Variants in SPEG observed in about 807,000 individuals in gnomAD.
The protein encoded by SPEG is striated muscle enriched protein kinase.
A neutral mutation model predicts 300.4 loss-of-function variants in SPEG; 114 were observed. That is an observed-to-expected ratio of 0.38 (90% confidence interval 0.33 to 0.44). The LOEUF is 0.44. Ranked by LOEUF, SPEG falls within the 20% of genes least tolerant of loss-of-function variation. SPEG has a pLI of 1.00. For missense variants in SPEG, 4,201 were observed against 4,586.2 expected (o/e 0.92, Z 2.43); for synonymous variants, 1,964 against 2,018.9 (o/e 0.97, Z 0.73).
At chr2:219,438,539 A>G (rs570838555) in intron 1 of SPEG, among the ~76,000 whole-genome samples, 24 of 152,342 alleles carry the variant, frequency 1.6e-4, no homozygotes, top group Admixed American at 1.1e-3. Context: ...CTTTTTCAAA[A>G]TATCAGGCTC....
In SPEG at chr2:219,481,446, C is replaced by G; in HGVS notation, c.5512C>G (p.Gln1838Glu). ...GGGCTTCCTCATCAAAGTGTTGGTGCAGGACCGGCTGTGAGTACAAGGCCC... is the reference window on the plus strand; with the variant it reads ...GGGCTTCCTCATCAAAGTGTTGGTGGAGGACCGGCTGTGAGTACAAGGCCC... ...ARGFLIKVLV[Q>E]DRLRPTAEET... is the part of the protein sequence containing the mutation. Residue 1838 changes from glutamine to glutamate, a missense_variant, in exon 27 of 41, where the codon CAG (glutamine) becomes GAG (glutamate). Physicochemically the swap from Gln to Glu is conservative, Grantham distance 29. Around this residue, in one of 4 missense-constraint regions of SPEG, gnomAD observed 1,047 missense variants for 1,356.8 expected, o/e 0.77. Coordinates refer to ENST00000312358, the MANE Select transcript of SPEG (RefSeq NM_005876.5). The surrounding 1 kb of genome is among the most constrained non-coding windows in gnomAD (Gnocchi z 5.4). The G allele has an allele frequency of 6.2e-7, 1 of 1,614,086 alleles. No homozygotes were observed. The highest frequency in any genetic ancestry group is 2.2e-5 in the East Asian group (1 of 44,884).
In SPEG at chr2:219,449,289, G is replaced by T. The variant is rs1199514817; in HGVS notation, c.2113+18G>T. On this transcript the variant is annotated intron_variant, in intron 4 of 40. Coordinates refer to ENST00000312358, the MANE Select transcript of SPEG (RefSeq NM_005876.5). ...TGAGCTCGGTAAGGCCTCAGGGAGG[G>T]CTGACAAGGTGCCTGAACCCCCGTC... The T allele has an allele frequency of 9.5e-6, 13 of 1,362,950 alleles. No individual in the cohort carries two copies. In the South Asian group the frequency reaches 2.0e-4, roughly 21 times the overall value. The allele number at this position is 1,362,950 out of a possible 1,614,324, so 84.4% of individuals were successfully genotyped here.
rs375417298 is a variant in SPEG at position 219,445,001 on chromosome 2, G to A, written c.655G>A (p.Gly219Arg). 9.9e-6 allele frequency: 16 copies of A among 1,610,878 alleles called. No individual in the cohort carries two copies. The highest frequency in any genetic ancestry group is 1.1e-5 in the South Asian group (1 of 90,912). Residue 219 changes from glycine (G) to arginine (R), a missense_variant, in exon 3 of 41, where the codon GGG becomes AGG. By Grantham distance (125) the Gly-to-Arg change is moderately radical. Transcript: ENST00000312358. This position sits in a 1 kb window ranked among gnomAD's most constrained non-coding sequence, Gnocchi z 6.1. ...CAGCCCAAGGCAAGCACAGGCAACC[G>A]GGGCCGGGCCACGGCACCTGGGGGT... ...PGSPRQAQATGAGPRHLGVEP... is the reference protein window; with the variant it reads ...PGSPRQAQATRAGPRHLGVEP...
chr2:219,472,767 CA>C lies in SPEG; in HGVS notation c.3941-122del, dbSNP rs1042317332. The C allele has an allele frequency of 4.6e-5, 36 of 774,408 alleles. No homozygotes were observed. The Admixed American group carries it at 9.1e-4, about 20-fold the overall frequency. 48.0% of individuals were successfully genotyped at this position (774,408 alleles called of 1,614,324 possible). On this transcript the variant is annotated intron_variant, in intron 15 of 40. Transcript: ENST00000312358. Reference sequence around the variant, plus strand: ...AGATGGGGGGACAGGCAGGAAGCAACAGCAGAGACTGAGGCACGTCATCAGA... The same window carrying C: ...AGATGGGGGGACAGGCAGGAAGCAACGCAGAGACTGAGGCACGTCATCAGA...
In SPEG at chr2:219,468,611, G is replaced by A. The variant is rs572860871; in HGVS notation, c.3176G>A (p.Arg1059Gln). 1.2e-6 allele frequency: 2 copies of A among 1,613,672 alleles called. No homozygotes were observed. The highest frequency in any genetic ancestry group is 1.7e-5 in the Admixed American group (1 of 60,024). ...ELTCSARLTV[R>Q]PSLAPLFTRL... ...ACCTGCAGTGCCCGGCTGACCGTGC[G>A]GCCCTCGTTGGCACCCCTGTTCACA... The change falls in exon 11 of 41, where the codon CGG (arginine) becomes CAG (glutamine). Residue 1059 changes from arginine to glutamine, a missense_variant. By Grantham distance (43) the Arg-to-Gln change is conservative (BLOSUM62 1). Coordinates refer to ENST00000312358, the MANE Select transcript of SPEG (RefSeq NM_005876.5).
At chr2:219,486,815 C>G (rs1238358826) in intron 31 of SPEG, among the ~76,000 whole-genome samples, 1 of 152,132 alleles carries the variant, frequency 6.6e-6, no homozygotes, top group African/African-American at 2.4e-5. Context: ...CTCTCTCTCT[C>G]TCCCTGCTAC....
Position 219,484,728 on chromosome 2 carries a change from C to T in SPEG, c.7265C>T (p.Pro2422Leu), listed in dbSNP as rs1194612524. Residue 2422 changes from proline to leucine, a missense_variant, in exon 30 of 41, where the codon CCC (proline) becomes CTC (leucine). Pro to Leu is a moderately conservative substitution (Grantham distance 98, BLOSUM62 -3). Transcript: ENST00000312358. Reference sequence around the variant, plus strand: ...TCCCAGCGGCTGCGGCGGACCCCTCCCGCGCAGCGCCACCCGGCCTGGGAG... The same window carrying T: ...TCCCAGCGGCTGCGGCGGACCCCTCTCGCGCAGCGCCACCCGGCCTGGGAG... ...SLSQRLRRTP[P>L]AQRHPAWEAR... 6.7e-7 allele frequency: 1 copy of T among 1,490,082 alleles called. No individual in the cohort carries two copies. Among genetic ancestry groups the T allele is most frequent in the African/African-American group, 1.5e-5 (1 of 68,164 alleles). The allele number at this position is 1,490,082 out of a possible 1,614,324, so 92.3% of individuals were successfully genotyped here. A position where few individuals can be genotyped will look rare whatever the true frequency, so the allele number is the denominator to read the frequency against.
intron 31 of SPEG, among the ~76,000 whole-genome samples, chr2:219,486,262 C>T (rs1000249792): frequency 9.2e-5 from 14 of 152,214 alleles, no homozygotes; most frequent in Admixed American, 3.3e-4. Context: ...TACTCAAGGA[C>T]GACAAGCAAA....
chr2:219,434,882 C>T lies in SPEG; in HGVS notation c.-96C>T, dbSNP rs1026186875. 2.4e-6 allele frequency: 2 copies of T among 819,336 alleles called. No homozygotes were observed. Among genetic ancestry groups the T allele is most frequent in the African/African-American group, 1.8e-5 (1 of 54,848 alleles). 50.8% of individuals were successfully genotyped at this position (819,336 alleles called of 1,614,324 possible). Reference sequence around the variant, plus strand: ...GCGGGCGGGCAGCAGGAAGGCAGGCCGCCGGCCCCCCAGACTTGTCTCCTA... The same window carrying T: ...GCGGGCGGGCAGCAGGAAGGCAGGCTGCCGGCCCCCCAGACTTGTCTCCTA... On this transcript the variant is annotated 5_prime_UTR_variant, in exon 1 of 41. Transcript: ENST00000312358.
In SPEG at chr2:219,481,321, C is replaced by T. The variant is rs1449579385; in HGVS notation, c.5387C>T (p.Pro1796Leu). Reference sequence around the variant, plus strand: ...CCCTGCAGTCTGACAGGAATCTCCCCGTTTGTTGGGGAAAATGACCGGACA... The same window carrying T: ...CCCTGCAGTCTGACAGGAATCTCCCTGTTTGTTGGGGAAAATGACCGGACA... ...VAFLCLTGIS[P>L]FVGENDRTTL... The change falls in exon 27 of 41, where the codon CCG becomes CTG. Residue 1796 changes from proline to leucine, a missense_variant. Physicochemically the swap from Pro to Leu is moderately conservative, Grantham distance 98. This residue lies in a region of SPEG where 1,047 missense variants were observed against 1,356.8 expected (regional missense o/e 0.77). Transcript: ENST00000312358. The surrounding 1 kb of genome is among the most constrained non-coding windows in gnomAD (Gnocchi z 5.4). The T allele has an allele frequency of 4.3e-6, 7 of 1,613,990 alleles. No individual in the cohort carries two copies. Among genetic ancestry groups the T allele is most frequent in the East Asian group, 2.2e-5 (1 of 44,896 alleles).
At chr2:219,466,224 C>T (rs1175845752) in intron 9 of SPEG, 23 of 1,453,752 alleles carry the variant, frequency 1.6e-5, no homozygotes, top group Non-Finnish European at 2.1e-5. Flanking sequence ...ATGCAGCCCC[C>T]AGGGGGATAG....
chr2:219,478,172 T>C, intron 22 of SPEG, 67 bp downstream of exon 22: 1 of 1,357,330 alleles, frequency 7.4e-7, no homozygotes, highest in Non-Finnish European at 1.0e-6. Flanking sequence ...TAACATCCAA[T>C]AGGCAACATG....
In SPEG at chr2:219,448,131, C is replaced by A; in HGVS notation, c.973C>A (p.Pro325Thr). Residue 325 changes from proline to threonine, a missense_variant, in exon 4 of 41, where the codon CCG becomes ACG. By Grantham distance (38) the Pro-to-Thr change is conservative. Coordinates refer to ENST00000312358, the MANE Select transcript of SPEG (RefSeq NM_005876.5). ...CGGGAAGCGGTCCCCGCCGGGACCC[C>A]CGGCCCAGCCCGCGGCCACCCCCAC... ...RVGKRSPPGPPAQPAATPTSP... is the reference protein window; with the variant it reads ...RVGKRSPPGPTAQPAATPTSP... 10 of 1,605,316 alleles carry A rather than the reference C, an allele frequency of 6.2e-6. No individual in the cohort carries two copies. Among genetic ancestry groups the A allele is most frequent in the Non-Finnish European group, 8.5e-6 (10 of 1,176,002 alleles).
chr2:219,492,689 A>G lies in SPEG; in HGVS notation c.9707A>G (p.Asn3236Ser), dbSNP rs957411502. The change falls in exon 41 of 41, where the codon AAC (asparagine) becomes AGC (serine). Residue 3236 changes from asparagine to serine, a missense_variant. Transcript: ENST00000312358. ...CGCCAGACGCTCACCTTCACCACCA[A>G]CCGGCTCAAGGAGTTCCTGGGCGAG... is the stretch of plus-strand genomic sequence containing the variant. The part of the protein sequence containing the change: ...LRRQTLTFTT[N>S]RLKEFLGEQR... The G allele has an allele frequency of 6.2e-7, 1 of 1,609,384 alleles. No individual in the cohort carries two copies. Among genetic ancestry groups the G allele is most frequent in the African/African-American group, 1.3e-5 (1 of 74,968 alleles).
chr2:219,439,265 A>AC lies in SPEG; in HGVS notation c.388+3905dup, dbSNP rs1478361563. Among the ~76,000 whole-genome samples the AC allele has an allele frequency of 2.6e-5, 4 of 151,888 alleles. No homozygotes were observed. The highest frequency in any genetic ancestry group is 5.9e-5 in the Non-Finnish European group (4 of 67,978). ...TACCCTCTCCACCTGCAGCTCTGCCACCCCCTCCCATATTTATTGAGTGCC... is the reference window on the plus strand; with the variant it reads ...TACCCTCTCCACCTGCAGCTCTGCCACCCCCCTCCCATATTTATTGAGTGCC... On this transcript the variant is annotated intron_variant, in intron 1 of 40. Transcript: ENST00000312358. The surrounding 1 kb of genome is among the most constrained non-coding windows in gnomAD (Gnocchi z 4.5).
At chr2:219,447,910 A>G in intron 3 of SPEG, 64 bp from the exon 4 acceptor site, 4 of 1,487,810 alleles carry the variant, frequency 2.7e-6, no homozygotes, top group Non-Finnish European at 3.7e-6. Flanking sequence ...TTCCTGTCAC[A>G]AGCTAAGGGT....
chr2:219,441,094 G>A (rs560517899), intron 1 of SPEG, among the ~76,000 whole-genome samples: 1 of 152,358 alleles, frequency 6.6e-6, no homozygotes, highest in African/African-American at 2.4e-5. Context: ...CATTTGTAAA[G>A]TGCCTGGCAC....
chr2:219,462,153 C>T, intron 7 of SPEG, 96 bp downstream of exon 7: 1 of 1,214,564 alleles, frequency 8.2e-7, no homozygotes, highest in Non-Finnish European at 1.2e-6. Flanking sequence ...ACATCAAGAC[C>T]TGGAACTTTG....
Position 219,483,728 on chromosome 2 carries a change from G to A in SPEG, c.6265G>A (p.Gly2089Ser), listed in dbSNP as rs1027356127. Reference protein sequence around the residue: ...PEDGKVSGLRGPLLESLGGRA... With the variant: ...PEDGKVSGLRSPLLESLGGRA... The stretch of plus-strand genomic sequence containing the variant: ...GGATGGCAAGGTCAGCGGCCTCAGG[G>A]GTCCCCTGCTGGAGAGCCTGGGGGG... The change falls in exon 30 of 41, where the codon GGT (glycine) becomes AGT (serine). Residue 2089 changes from glycine (G) to serine (S), a missense_variant. Transcript: ENST00000312358. 3 of 1,536,380 alleles carry A rather than the reference G, an allele frequency of 2.0e-6. No homozygotes were observed. Among genetic ancestry groups the A allele is most frequent in the Admixed American group, 3.9e-5 (2 of 51,318 alleles).
Sources: gnomAD v4.1 joint callset for allele counts (sites outside exome capture counted in the v4.1 genomes callset) on GRCh38, gnomAD v4.1.1 for gene constraint, gnomAD v4.1.1 regional missense constraint, Gnocchi (gnomAD v3.1) non-coding constraint, MANE v1.5 for transcripts, NCBI Gene and HGNC (gene_info 2026-07-23, HGNC 2026-07-21) for gene names.